TNIP3: variants seen among roughly 807,000 people sequenced by gnomAD.
The protein encoded by TNIP3 is TNFAIP3 interacting protein 3, also known as TNFAIP3-interacting protein 3.
In TNIP3, 34 loss-of-function variants were observed where a neutral mutation model predicts 54.1. That is an observed-to-expected ratio of 0.63 (90% CI 0.48 to 0.84). The LOEUF (loss-of-function observed/expected upper bound fraction) is 0.84, where lower values mean the gene tolerates loss of function less well. Among genes scored for constraint, TNIP3 ranks in the 40% least tolerant of loss-of-function variants. The pLI, the probability that TNIP3 is intolerant of heterozygous loss-of-function variation, is 0.00. For missense variants in TNIP3, 366 were observed against 387.6 expected, an observed-to-expected ratio of 0.94 and a Z score of 0.47; for synonymous variants, 134 against 136.8, an observed-to-expected ratio of 0.98 and a Z score of 0.14.
upstream of TNIP3, among the ~76,000 whole-genome samples, chr4:121,220,527 A>C (rs961023574): frequency 6.6e-6 from 1 of 152,186 alleles, no homozygotes; most frequent in African/African-American, 2.4e-5. Context: ...TCCAATTCAA[A>C]TTTGGTAACT....
intron 2 of TNIP3, among the ~76,000 whole-genome samples, chr4:121,206,035 A>G (rs1053480384): frequency 1.3e-5 from 2 of 152,140 alleles, no homozygotes; most frequent in African/African-American, 2.4e-5. Context: ...AACTCACTCA[A>G]AATCTTGAGA....
intron 10 of TNIP3, among the ~76,000 whole-genome samples, chr4:121,136,857 GAAA>G (rs11338982): frequency 3.4e-5 from 2 of 58,924 alleles, no homozygotes; most frequent in Non-Finnish European, 6.5e-5. Flanking sequence ...GACTGTCTCC[GAAA>G]AAAAAAAAAA....
At chr4:121,211,124 T>C (rs1726457260) in intron 2 of TNIP3, among the ~76,000 whole-genome samples, 1 of 152,088 alleles carries the variant, frequency 6.6e-6, no homozygotes, top group Admixed American at 6.5e-5. Flanking sequence ...GACATAGAAA[T>C]ATTTCCTAGA....
intron 3 of TNIP3, among the ~76,000 whole-genome samples, chr4:121,174,533 GA>G (rs1724192332): frequency 6.6e-6 from 1 of 152,166 alleles, no homozygotes; most frequent in African/African-American, 2.4e-5. Context: ...ACACATACCA[GA>G]AGTGTTTTGT....
intron 3 of TNIP3, among the ~76,000 whole-genome samples, chr4:121,173,296 C>T (rs1387834829): frequency 6.6e-6 from 1 of 152,148 alleles, no homozygotes; most frequent in Non-Finnish European, 1.5e-5. Flanking sequence ...GTGGCTTGAC[C>T]TTTGACGTTG....
intron 2 of TNIP3, among the ~76,000 whole-genome samples, chr4:121,191,889 T>G (rs1205762624): frequency 1.3e-5 from 2 of 152,208 alleles, no homozygotes; most frequent in East Asian, 1.9e-4. Context: ...AAAAATAATT[T>G]TATTCAAATC....
At chr4:121,143,758 A>G (rs1729262812) in intron 7 of TNIP3, among the ~76,000 whole-genome samples, 1 of 152,234 alleles carries the variant, frequency 6.6e-6, no homozygotes, top group Admixed American at 6.5e-5. Flanking sequence ...AAGACAACTT[A>G]TTTAATATGT....
chr4:121,196,041 C>T (rs76831298), intron 2 of TNIP3, among the ~76,000 whole-genome samples: 2,802 of 152,284 alleles, frequency 0.018, 59 homozygotes, highest in Admixed American at 0.029. Context: ...AAACACCACA[C>T]GCTTGATTTT....
intron 10 of TNIP3, 131 bp downstream of exon 10, chr4:121,138,493 A>C: frequency 1.2e-6 from 1 of 803,774 alleles, no homozygotes; most frequent in Admixed American, 2.3e-5. Flanking sequence ...ATCAAATTAA[A>C]GTTATGTATG....
chr4:121,154,464 C>A, intron 5 of TNIP3, 87 bp downstream of exon 5: 1 of 1,536,552 alleles, frequency 6.5e-7, no homozygotes, highest in Non-Finnish European at 8.9e-7. Context: ...ACCCACACTG[C>A]AGCCTAGATT....
intron 3 of TNIP3, among the ~76,000 whole-genome samples, chr4:121,174,063 C>G (rs1031134824): frequency 2.0e-5 from 3 of 152,112 alleles, no homozygotes; most frequent in African/African-American, 7.2e-5. Context: ...TATAAAATCT[C>G]AACATTAGAG....
intron 5 of TNIP3, among the ~76,000 whole-genome samples, chr4:121,153,166 AATGTAAAATTTC>A (rs1183347042): frequency 1.3e-5 from 2 of 152,202 alleles, no homozygotes; most frequent in Non-Finnish European, 2.9e-5. Context: ...AAAATTTTAA[AATGTAAAATTTC>A]GTGTAGAATT....
At chr4:121,200,699 G>A (rs544107572) in intron 2 of TNIP3, among the ~76,000 whole-genome samples, 1 of 152,214 alleles carries the variant, frequency 6.6e-6, no homozygotes, top group Admixed American at 6.5e-5. Flanking sequence ...CAGTAATCAG[G>A]CACCTTGGCT....
intron 6 of TNIP3, among the ~76,000 whole-genome samples, chr4:121,149,772 A>T (rs1409352219): frequency 2.0e-5 from 3 of 152,130 alleles, no homozygotes; most frequent in Admixed American, 2.0e-4. Flanking sequence ...TCTCAAAAAC[A>T]AAAACAAAAA....
chr4:121,134,037 G>A (rs1728634129), intron 10 of TNIP3, among the ~76,000 whole-genome samples: 1 of 152,148 alleles, frequency 6.6e-6, no homozygotes, highest in Non-Finnish European at 1.5e-5. Context: ...CACCCAGCTT[G>A]TGGTATTTTG....
At chr4:121,161,305 C>T (rs1730438654) in intron 1 of TNIP3, 89 bp from the exon 2 acceptor site, 5 of 1,125,838 alleles carry the variant, frequency 4.4e-6, no homozygotes, top group Non-Finnish European at 6.2e-6. Context: ...ATGCATTTGG[C>T]CAACTCTCCT....
At chr4:121,219,750 G>A (rs1726954730), upstream of TNIP3, among the ~76,000 whole-genome samples, 1 of 152,134 alleles carries the variant, frequency 6.6e-6, no homozygotes, top group Non-Finnish European at 1.5e-5. Context: ...TGTTGCTCAA[G>A]TCTATGTTAT....
At chr4:121,159,900 C>T (rs1012784884) in intron 2 of TNIP3, among the ~76,000 whole-genome samples, 9 of 152,176 alleles carry the variant, frequency 5.9e-5, no homozygotes, top group Non-Finnish European at 1.5e-5. Context: ...AGTAGCAAAA[C>T]TTTCTCCTAA....
At chr4:121,145,051 A>T (rs1729350200) in intron 7 of TNIP3, among the ~76,000 whole-genome samples, 1 of 152,220 alleles carries the variant, frequency 6.6e-6, no homozygotes, top group Non-Finnish European at 1.5e-5. Flanking sequence ...GACTTAACGC[A>T]TCCTCAGTGA....
Sources: gnomAD v4.1 joint callset for allele counts (sites outside exome capture counted in the v4.1 genomes callset) on GRCh38, gnomAD v4.1.1 for gene constraint, MANE v1.5 for transcripts, NCBI Gene and HGNC (gene_info 2026-07-23, HGNC 2026-07-21) for gene names.